Variants in MAPK6 observed in about 807,000 individuals in gnomAD.
The protein encoded by MAPK6 is mitogen-activated protein kinase 6.
A neutral mutation model predicts 59.3 loss-of-function variants in MAPK6; 19 were observed. The observed-to-expected ratio is 0.32, with a 90% CI of 0.22 to 0.47. MAPK6 has a LOEUF of 0.47. MAPK6 is among the 20% of genes least tolerant of loss of function. The pLI is 1.00. For missense variants in MAPK6, 724 were observed against 847.9 expected, an observed-to-expected ratio of 0.85 and a Z score of 1.81; for synonymous variants, 316 against 290.3, an observed-to-expected ratio of 1.09 and a Z score of -0.90.
chr15:52,066,483 G>C lies in MAPK6; in HGVS notation c.*1483G>C. The C allele has an allele frequency of 6.6e-6, 1 of 152,220 alleles. No homozygotes were observed. Among genetic ancestry groups the C allele is most frequent in the East Asian group, 1.9e-4 (1 of 5,202 alleles). 9.4% of individuals were successfully genotyped at this position (152,220 alleles called of 1,614,324 possible). ...GTTGAAACTTTGAACTGTGCAGTCA[G>C]AAAACTTGAGATTTGCTCTGTAATA... is the stretch of plus-strand genomic sequence containing the variant. On this transcript the variant is annotated 3_prime_UTR_variant, in exon 6 of 6. Transcript: ENST00000261845.
At chr15:52,052,237 T>C (rs1205052079) in intron 3 of MAPK6, among the ~76,000 whole-genome samples, 2 of 152,192 alleles carry the variant, frequency 1.3e-5, no homozygotes, top group Non-Finnish European at 2.9e-5. Context: ...GATCCACTTC[T>C]AGATAGCTTA....
chr15:52,052,895 G>T (rs1429813027), intron 3 of MAPK6, among the ~76,000 whole-genome samples: 1 of 152,062 alleles, frequency 6.6e-6, no homozygotes, highest in Non-Finnish European at 1.5e-5. Context: ...GTTCTCTTGG[G>T]TATATATACC....
At chr15:52,016,407 A>C (rs572644519), upstream of MAPK6, among the ~76,000 whole-genome samples, 3 of 151,964 alleles carry the variant, frequency 2.0e-5, no homozygotes, top group South Asian at 4.2e-4. Context: ...GAAAAAAAAA[A>C]CACCAAAAAA....
intron 2 of MAPK6, among the ~76,000 whole-genome samples, chr15:51,996,257 C>T (rs933590309): frequency 6.6e-6 from 1 of 152,204 alleles, no homozygotes; most frequent in African/African-American, 2.4e-5. Context: ...TCAATACCCC[C>T]GCCAAGATTG....
intron 3 of MAPK6, among the ~76,000 whole-genome samples, chr15:52,055,532 T>C (rs2031943559): frequency 1.3e-5 from 2 of 152,110 alleles, no homozygotes; most frequent in Non-Finnish European, 2.9e-5. Flanking sequence ...TGTTTGTTTG[T>C]TTTGGAGGAG....
intron 1 of MAPK6, among the ~76,000 whole-genome samples, chr15:52,027,349 C>CAAAAAAAAAAAAAAAAAAAAA (rs71130120): frequency 2.0e-5 from 1 of 49,170 alleles, no homozygotes; most frequent in African/African-American, 8.5e-5. Context: ...GACTCCCTCT[C>CAAAAAAAAAAAAAAAAAAAAA]AAAAAAAAAA....
intron 1 of MAPK6, among the ~76,000 whole-genome samples, chr15:51,980,737 C>T (rs113064811): frequency 0.02 from 3,046 of 151,050 alleles, 107 homozygotes; most frequent in East Asian, 0.074. Context: ...ACTACAGGCG[C>T]ATACCACCAC....
chr15:52,035,573 G>A (rs929631936), intron 1 of MAPK6: 8 of 151,522 alleles, frequency 5.3e-5, no homozygotes, highest in Non-Finnish European at 1.2e-4. Context: ...GCAGAGAGCC[G>A]AGGTCACACC....
chr15:52,056,701 C>T (rs993099750), intron 3 of MAPK6: 1 of 152,276 alleles, frequency 6.6e-6, no homozygotes, highest in African/African-American at 2.4e-5. Flanking sequence ...TTCCAGTCAC[C>T]CTTGCCAGTT....
chr15:52,051,954 A>G (rs1368661294), intron 3 of MAPK6, among the ~76,000 whole-genome samples: 1 of 152,202 alleles, frequency 6.6e-6, no homozygotes, highest in Admixed American at 6.5e-5. Context: ...AAATTATTAA[A>G]TGGATTGATT....
At chr15:51,996,876 A>G (rs2057225940) in intron 2 of MAPK6, among the ~76,000 whole-genome samples, 1 of 151,874 alleles carries the variant, frequency 6.6e-6, no homozygotes, top group South Asian at 2.1e-4. Context: ...TTAGTTTCTT[A>G]TAGTGACATA....
intron 3 of MAPK6, chr15:52,004,415 AT>A (rs1330799569): frequency 6.6e-6 from 1 of 152,206 alleles, no homozygotes; most frequent in East Asian, 1.9e-4. Flanking sequence ...AAGTAGATCC[AT>A]TTATTATTAT....
intron 3 of MAPK6, among the ~76,000 whole-genome samples, chr15:52,005,245 C>G (rs368450748): frequency 1.3e-5 from 2 of 151,986 alleles, no homozygotes; most frequent in East Asian, 1.9e-4. Flanking sequence ...GAGATCTGGG[C>G]CAGGTGCGGT....
At chr15:52,059,860 T>A (rs528570553) in intron 4 of MAPK6, among the ~76,000 whole-genome samples, 1 of 152,334 alleles carries the variant, frequency 6.6e-6, no homozygotes, top group East Asian at 1.9e-4. Flanking sequence ...ACTTTCTTCT[T>A]AACAGTGGAG....
intron 2 of MAPK6, among the ~76,000 whole-genome samples, chr15:51,997,084 A>G (rs2057226619): frequency 2.0e-5 from 3 of 151,932 alleles, no homozygotes; most frequent in Non-Finnish European, 2.9e-5. Context: ...GGTTCAAGCA[A>G]TTCTCCTGCC....
intron 2 of MAPK6, among the ~76,000 whole-genome samples, chr15:51,999,477 ATTTAT>A (rs1363890385): frequency 6.6e-6 from 1 of 152,094 alleles, no homozygotes; most frequent in Non-Finnish European, 1.5e-5. Context: ...AAAATGAGTT[ATTTAT>A]TTTATTATTA....
intron 2 of MAPK6, among the ~76,000 whole-genome samples, chr15:51,983,347 G>T (rs1320414340): frequency 6.6e-6 from 1 of 152,000 alleles, no homozygotes; most frequent in Non-Finnish European, 1.5e-5. Context: ...TTAGCTGGAA[G>T]TGGTGGCCTG....
At position 52,050,013 on chromosome 15, in the gene MAPK6, G is replaced by A. The variant is rs760159567; in HGVS notation, c.576G>A (p.Leu192=). 1.3e-5 allele frequency: 21 copies of A among 1,611,190 alleles called. No homozygotes were observed. In the South Asian group the frequency reaches 2.1e-4, roughly 16 times the overall value. ...YSHKGHLSEG[L]VTKWYRSPRL... ...TATAGGGTCATCTTTCTGAAGGATT[G>A]GTTACTAAATGGTACAGATCTCCAC... The change falls in exon 3 of 6, where the codon TTG becomes TTA. Residue 192 remains leucine, a synonymous_variant. Coordinates refer to ENST00000261845, the MANE Select transcript of MAPK6 (RefSeq NM_002748.4).
chr15:52,061,051 A>G (rs1363510021), intron 4 of MAPK6, among the ~76,000 whole-genome samples: 1 of 152,178 alleles, frequency 6.6e-6, no homozygotes, highest in African/African-American at 2.4e-5. Context: ...CAGCCAGAAA[A>G]TCGTTTTTAA....
Sources: gnomAD v4.1 joint callset for allele counts (sites outside exome capture counted in the v4.1 genomes callset) on GRCh38, gnomAD v4.1.1 for gene constraint, MANE v1.5 for transcripts, NCBI Gene and HGNC (gene_info 2026-07-23, HGNC 2026-07-21) for gene names.